The following OSBPL1A variants were observed in gnomAD, a reference collection of about 807,000 sequenced individuals.
OSBPL1A encodes the protein oxysterol binding protein like 1A.
OSBPL1A carries 80 observed loss-of-function variants against 137.1 expected under a neutral mutation model. That is an observed-to-expected ratio of 0.58 (90% CI 0.49 to 0.70). OSBPL1A has a LOEUF of 0.70. Among genes scored for constraint, OSBPL1A ranks in the 30% least tolerant of loss-of-function variants. The pLI is 0.00. For synonymous variants in OSBPL1A, 365 were observed against 389.7 expected (o/e 0.94, Z 0.75); for missense variants, 970 against 1,129.4 (o/e 0.86, Z 2.02).
chr18:24,230,537 G>A (rs996614523), intron 16 of OSBPL1A, among the ~76,000 whole-genome samples: 3 of 152,072 alleles, frequency 2.0e-5, no homozygotes, highest in African/African-American at 7.2e-5. Context: ...ATTCTGGTCT[G>A]GTTAACTCTT....
chr18:24,251,366 T>C (rs2089090714), intron 15 of OSBPL1A, among the ~76,000 whole-genome samples: 1 of 152,064 alleles, frequency 6.6e-6, no homozygotes, highest in Non-Finnish European at 1.5e-5. Flanking sequence ...ACATGGGTGT[T>C]TGCATCACCA....
At chr18:24,170,585 G>A (rs896160431) in intron 23 of OSBPL1A, 132 bp from the exon 24 acceptor site, 1 of 925,768 alleles carries the variant, frequency 1.1e-6, no homozygotes. Context: ...TCCAAGAGCA[G>A]ATGAGATCAG....
chr18:24,321,244 T>TC (rs2090849159), intron 7 of OSBPL1A, among the ~76,000 whole-genome samples: 1 of 152,002 alleles, frequency 6.6e-6, no homozygotes. Flanking sequence ...GTGCACAGAG[T>TC]TGTGCAACTA....
chr18:24,259,681 G>C (rs2089393655), intron 15 of OSBPL1A, among the ~76,000 whole-genome samples: 1 of 152,084 alleles, frequency 6.6e-6, no homozygotes, highest in Non-Finnish European at 1.5e-5. Context: ...TAATGTTATT[G>C]GGTTTGGGGT....
intron 24 of OSBPL1A, among the ~76,000 whole-genome samples, chr18:24,167,997 T>C (rs2086184874): frequency 6.6e-6 from 1 of 152,250 alleles, no homozygotes; most frequent in African/African-American, 2.4e-5. Flanking sequence ...TTGTGCCACT[T>C]AGTGTTATCC....
chr18:24,290,069 G>A (rs2090148215), intron 14 of OSBPL1A, among the ~76,000 whole-genome samples: 1 of 151,788 alleles, frequency 6.6e-6, no homozygotes, highest in African/African-American at 2.4e-5. Context: ...ACAAAAAAAG[G>A]CTATATGTGT....
rs149759191 is a variant in OSBPL1A, at chr18:24,361,921, C to T, written c.282+4971G>A. 9.8e-3 allele frequency among the ~76,000 whole-genome samples: 1,460 copies of T among 148,988 alleles called. 15 individuals carry two copies. Among genetic ancestry groups the T allele is most frequent in the African/African-American group, 0.028 (1,136 of 40,254 alleles). ...CTGAGGCAGGAGAATCACTTGAACCCGAGAGGCGGAGATTGCAGTGAAGTG... is the reference window on the plus strand; with the variant it reads ...CTGAGGCAGGAGAATCACTTGAACCTGAGAGGCGGAGATTGCAGTGAAGTG... On this transcript the variant is annotated intron_variant, in intron 4 of 27. Transcript: ENST00000319481.
chr18:24,203,524 CTTTG>C (rs2087280475), intron 17 of OSBPL1A, among the ~76,000 whole-genome samples: 1 of 152,180 alleles, frequency 6.6e-6, no homozygotes, highest in Admixed American at 6.5e-5. Context: ...GTATATCTTT[CTTTG>C]TAATACCTTT....
rs1423639025 is a variant in OSBPL1A, at chr18:24,312,051, T to A, written c.1025A>T (p.Gln342Leu). 3.7e-6 allele frequency: 6 copies of A among 1,613,992 alleles called. No homozygotes were observed. The East Asian group carries it at 1.3e-4, about 36-fold the overall frequency. Residue 342 changes from glutamine to leucine, a missense_variant, in exon 13 of 28, where the codon CAG becomes CTG. Physicochemically the swap from Gln to Leu is moderately radical, Grantham distance 113. This residue lies in a region of OSBPL1A where 647 missense variants were observed against 672.6 expected (regional missense o/e 0.96). Transcript: ENST00000319481. ...HSAYSTHYCSQDQLTDEEEED... is the reference protein window; with the variant it reads ...HSAYSTHYCSLDQLTDEEEED... ...CTCCTCCTCATCAGTCAGCTGGTCCTGGGAACAGTAGTGAGTGCTGTAAGC... is the reference window on the plus strand; with the variant it reads ...CTCCTCCTCATCAGTCAGCTGGTCCAGGGAACAGTAGTGAGTGCTGTAAGC...
chr18:24,315,790 T>A (rs1359364889), intron 11 of OSBPL1A, among the ~76,000 whole-genome samples: 1 of 74,808 alleles, frequency 1.3e-5, no homozygotes, highest in Non-Finnish European at 2.5e-5. Flanking sequence ...AAATATAATA[T>A]AATATATAGT....
intron 1 of OSBPL1A, among the ~76,000 whole-genome samples, chr18:24,378,511 T>C (rs899851450): frequency 1.3e-5 from 2 of 152,236 alleles, no homozygotes; most frequent in African/African-American, 4.8e-5. Context: ...TGTTTATTTT[T>C]CCCCTCACTT....
intron 2 of OSBPL1A, among the ~76,000 whole-genome samples, chr18:24,370,635 G>C (rs966468447): frequency 3.3e-5 from 5 of 152,056 alleles, no homozygotes; most frequent in Non-Finnish European, 5.9e-5. Flanking sequence ...CTATCCCCCA[G>C]ACTTTCTTTT....
chr18:24,333,104 G>T lies in OSBPL1A; in HGVS notation c.481-18C>A, dbSNP rs1261561103. 1 of 1,611,740 alleles carries T rather than the reference G, an allele frequency of 6.2e-7. No homozygotes were observed. The highest frequency in any genetic ancestry group is 2.2e-5 in the East Asian group (1 of 44,830). On this transcript the variant is annotated intron_variant, in intron 6 of 27. Coordinates refer to ENST00000319481, the MANE Select transcript of OSBPL1A (RefSeq NM_080597.4). ...CTGTTGAGCTAACAATTAAAAAAAT[G>T]CAATGCAGAATTATATATCAAAGAT...
chr18:24,259,242 T>C (rs1262993250), intron 15 of OSBPL1A, among the ~76,000 whole-genome samples: 1 of 152,186 alleles, frequency 6.6e-6, no homozygotes, highest in Non-Finnish European at 1.5e-5. Flanking sequence ...ATTAAATATT[T>C]GTGCACAACT....
chr18:24,245,727 A>G (rs533876522), intron 15 of OSBPL1A, among the ~76,000 whole-genome samples: 21 of 151,990 alleles, frequency 1.4e-4, no homozygotes, highest in Non-Finnish European at 2.5e-4. Flanking sequence ...AGTATAGTAT[A>G]CTCTTGCTTT....
intron 21 of OSBPL1A, among the ~76,000 whole-genome samples, chr18:24,175,547 T>G (rs1007021609): frequency 6.6e-6 from 1 of 152,234 alleles, no homozygotes; most frequent in South Asian, 2.1e-4. Context: ...ACAAGTCCTT[T>G]GTTGGCTATA....
At position 24,180,392 on chromosome 18, in the gene OSBPL1A, C is replaced by A. The variant is rs79961774; in HGVS notation, c.1813-557G>T. Among the ~76,000 whole-genome samples, 876 of 152,128 alleles carry A rather than the reference C, an allele frequency of 5.8e-3. 17 individuals carry two copies. The highest frequency in any genetic ancestry group is 0.02 in the African/African-American group (833 of 41,504). On this transcript the variant is annotated intron_variant, in intron 19 of 27. Transcript: ENST00000319481. ...AAACATTAAAAAGTGCAATTCCTTG[C>A]CGTCTTTTAACATATAGCAATGTAT...
At position 24,252,462 on chromosome 18, in the gene OSBPL1A, G is replaced by T. The variant is rs550903577; in HGVS notation, c.1282-13080C>A. Reference sequence around the variant, plus strand: ...GGAAAAAAACTCTTACCCTAGAATAGTATATCTTGCAAAAAATATCCTTCA... The same window carrying T: ...GGAAAAAAACTCTTACCCTAGAATATTATATCTTGCAAAAAATATCCTTCA... On this transcript the variant is annotated intron_variant, in intron 15 of 27. Coordinates refer to ENST00000319481, the MANE Select transcript of OSBPL1A (RefSeq NM_080597.4). 2.8e-4 allele frequency among the ~76,000 whole-genome samples: 43 copies of T among 152,006 alleles called. 1 individual carries two copies. The South Asian group carries it at 8.7e-3, about 31-fold the overall frequency.
rs1264724786 is a variant in OSBPL1A at position 24,397,824 on chromosome 18, C to G, written c.-172G>C. ...TCTCCGGGACCCGGCGCCGGGACCA[C>G]GGCGGAGCGCGAGGTGGCGCCGCCC... On this transcript the variant is annotated 5_prime_UTR_variant, in exon 1 of 28. Coordinates refer to ENST00000319481, the MANE Select transcript of OSBPL1A (RefSeq NM_080597.4). 2.0e-5 allele frequency: 3 copies of G among 152,324 alleles called. No homozygotes were observed. The highest frequency in any genetic ancestry group is 7.2e-5 in the African/African-American group (3 of 41,446). 9.4% of individuals were successfully genotyped at this position (152,324 alleles called of 1,614,324 possible).
Sources: gnomAD v4.1 joint callset for allele counts (sites outside exome capture counted in the v4.1 genomes callset) on GRCh38, gnomAD v4.1.1 for gene constraint, gnomAD v4.1.1 regional missense constraint, MANE v1.5 for transcripts, NCBI Gene and HGNC (gene_info 2026-07-23, HGNC 2026-07-21) for gene names.